The following PPP2R2B variants were observed in gnomAD, a reference collection of about 807,000 sequenced individuals.
PPP2R2B encodes protein phosphatase 2 regulatory subunit Bbeta, also known as serine/threonine-protein phosphatase 2A 55 kDa regulatory subunit B beta isoform.
A neutral mutation model predicts 46.0 loss-of-function variants in PPP2R2B; 5 were observed. The observed-to-expected ratio is 0.11, with a 90% confidence interval of 0.06 to 0.23. The LOEUF is 0.23. PPP2R2B is among the 10% of genes least tolerant of loss of function. PPP2R2B has a pLI of 1.00. For missense variants in PPP2R2B, 367 were observed against 575.0 expected, an observed-to-expected ratio of 0.64 and a Z score of 3.70; for synonymous variants, 215 against 206.7, an observed-to-expected ratio of 1.04 and a Z score of -0.34.
intron 9 of PPP2R2B, 88 bp downstream of exon 9, chr5:146,592,883 C>T (rs1770799658): frequency 1.5e-6 from 2 of 1,336,408 alleles, no homozygotes; most frequent in Middle Eastern, 1.8e-4. Flanking sequence ...TTTTGACCTC[C>T]CTTTGGCTGT....
At chr5:147,063,538 C>T (rs1757331770) in intron 2 of PPP2R2B, among the ~76,000 whole-genome samples, 1 of 152,146 alleles carries the variant, frequency 6.6e-6, no homozygotes, top group East Asian at 1.9e-4. Flanking sequence ...TGCCTCAAAG[C>T]CTTCATAAAA....
At chr5:146,669,609 G>T (rs183983521) in intron 5 of PPP2R2B, among the ~76,000 whole-genome samples, 6 of 152,032 alleles carry the variant, frequency 3.9e-5, no homozygotes, top group African/African-American at 1.4e-4. Context: ...TTTATGGGGC[G>T]ACTTTGGAAC....
At chr5:146,687,685 C>T (rs1424268586) in intron 5 of PPP2R2B, among the ~76,000 whole-genome samples, 1 of 152,154 alleles carries the variant, frequency 6.6e-6, no homozygotes, top group African/African-American at 2.4e-5. Context: ...ATATAGTTTT[C>T]ATAGACATGC....
At chr5:146,850,447 C>G (rs143299931) in intron 2 of PPP2R2B, among the ~76,000 whole-genome samples, 4 of 152,164 alleles carry the variant, frequency 2.6e-5, no homozygotes, top group Admixed American at 2.0e-4. Context: ...TTGCAAGACT[C>G]TGCAAGATGT....
At chr5:146,625,087 T>G (rs553907090) in intron 7 of PPP2R2B, among the ~76,000 whole-genome samples, 1 of 152,372 alleles carries the variant, frequency 6.6e-6, no homozygotes, top group East Asian at 1.9e-4. Context: ...ATTCGTTGAA[T>G]AAATAAGTAG....
At position 146,583,790 on chromosome 5, in the gene PPP2R2B, C is replaced by G. The variant is rs1182597117; in HGVS notation, c.*6157G>C. The G allele has an allele frequency of 6.6e-5, 10 of 152,158 alleles. No individual in the cohort carries two copies. The highest frequency in any genetic ancestry group is 6.6e-4 in the Admixed American group (10 of 15,264). The allele number at this position is 152,158 out of a possible 1,614,324, so 9.4% of individuals were successfully genotyped here. ...TTTTCCTTTTACCACTGAGGAAAGC[C>G]CCTGTTCCCTTCTACTCCAGCTTCC... On this transcript the variant is annotated 3_prime_UTR_variant, in exon 10 of 10. Coordinates refer to ENST00000394411, the MANE Select transcript of PPP2R2B (RefSeq NM_181675.4).
upstream of PPP2R2B, among the ~76,000 whole-genome samples, chr5:147,057,048 C>G (rs774795493): frequency 1.3e-5 from 2 of 152,076 alleles, no homozygotes; most frequent in African/African-American, 2.4e-5. Flanking sequence ...AATTTTTAAG[C>G]CTTTATGGGC....
chr5:146,808,411 T>C (rs540954533), intron 2 of PPP2R2B, among the ~76,000 whole-genome samples: 1 of 152,334 alleles, frequency 6.6e-6, no homozygotes, highest in Admixed American at 6.5e-5. Flanking sequence ...CATCACTCTA[T>C]CACTGGCCTT....
intron 1 of PPP2R2B, among the ~76,000 whole-genome samples, chr5:147,006,127 C>T (rs188558583): frequency 8.5e-5 from 13 of 152,224 alleles, no homozygotes; most frequent in Non-Finnish European, 1.5e-4. Flanking sequence ...CAGGATAGGA[C>T]GATGGATGGT....
chr5:146,761,463 A>G (rs918391100), intron 2 of PPP2R2B, among the ~76,000 whole-genome samples: 5 of 152,152 alleles, frequency 3.3e-5, no homozygotes, highest in Non-Finnish European at 7.3e-5. Context: ...GAATTGAACA[A>G]TGAGAACACA....
intron 7 of PPP2R2B, 53 bp downstream of exon 7, chr5:146,638,198 A>C: frequency 6.4e-7 from 1 of 1,571,172 alleles, no homozygotes; most frequent in Non-Finnish European, 8.7e-7. Flanking sequence ...GCTCTCCCCC[A>C]GCACATTGGG....
rs183225909 is a variant in PPP2R2B at position 146,806,882 on chromosome 5, G to A, written c.70+71120C>T. Reference sequence around the variant, plus strand: ...GTATAAAAGTGCCCCCGACAGGGGAGCAGGCAATAGGGGACCTTAGTTTTA... The same window carrying A: ...GTATAAAAGTGCCCCCGACAGGGGAACAGGCAATAGGGGACCTTAGTTTTA... On this transcript the variant is annotated intron_variant, in intron 2 of 9. Transcript: ENST00000394411. Among the ~76,000 whole-genome samples the A allele has an allele frequency of 1.1e-4, 17 of 152,358 alleles. 1 individual carries two copies. The highest frequency in any genetic ancestry group is 3.3e-4 in the Admixed American group (5 of 15,312).
chr5:146,856,149 T>C (rs903188479), intron 2 of PPP2R2B, among the ~76,000 whole-genome samples: 3 of 152,202 alleles, frequency 2.0e-5, no homozygotes, highest in African/African-American at 4.8e-5. Context: ...CTTTGTTCTC[T>C]AGCTTATTCA....
chr5:146,745,548 T>G (rs1753136801), intron 2 of PPP2R2B, among the ~76,000 whole-genome samples: 1 of 152,200 alleles, frequency 6.6e-6, no homozygotes, highest in Admixed American at 6.5e-5. Context: ...GGCACAATTA[T>G]TAGAGTCCTC....
At chr5:146,608,626 C>T (rs929880149) in intron 7 of PPP2R2B, among the ~76,000 whole-genome samples, 5 of 152,166 alleles carry the variant, frequency 3.3e-5, no homozygotes, top group Non-Finnish European at 7.3e-5. Flanking sequence ...GAAACCCCAT[C>T]TCTACTAAAA....
chr5:146,916,311 G>A (rs1319059711), intron 1 of PPP2R2B, among the ~76,000 whole-genome samples: 1 of 142,996 alleles, frequency 7.0e-6, no homozygotes. Flanking sequence ...TTTTTTTGAC[G>A]ACTCAGAGGA....
intron 2 of PPP2R2B, among the ~76,000 whole-genome samples, chr5:146,834,967 T>C (rs1759191300): frequency 1.3e-5 from 2 of 152,210 alleles, no homozygotes; most frequent in Admixed American, 6.5e-5. Flanking sequence ...ATTCTTTTTT[T>C]ATGGCTGTAT....
chr5:146,936,957 C>T (rs1431643235), intron 1 of PPP2R2B, among the ~76,000 whole-genome samples: 5 of 150,884 alleles, frequency 3.3e-5, no homozygotes, highest in East Asian at 3.9e-4. Flanking sequence ...AATCATTCTT[C>T]GAACTAGACA....
At chr5:147,033,148 T>C (rs943195601) in intron 1 of PPP2R2B, among the ~76,000 whole-genome samples, 3 of 152,198 alleles carry the variant, frequency 2.0e-5, no homozygotes, top group Non-Finnish European at 4.4e-5. Context: ...ACCTAAAAGC[T>C]GCTGTACTAT....
Sources: gnomAD v4.1 joint callset for allele counts (sites outside exome capture counted in the v4.1 genomes callset) on GRCh38, gnomAD v4.1.1 for gene constraint, MANE v1.5 for transcripts, NCBI Gene and HGNC (gene_info 2026-07-23, HGNC 2026-07-21) for gene names.